The following WRN variants were observed in gnomAD, a reference collection of about 807,000 sequenced individuals.
The protein encoded by WRN is bifunctional 3'-5' exonuclease/ATP-dependent helicase WRN.
A neutral mutation model predicts 180.7 loss-of-function variants in WRN; 149 were observed. The ratio of observed to expected loss-of-function variants is 0.82; its 90% CI spans 0.72 to 0.94. The LOEUF is 0.94. WRN is among the 40% of genes least tolerant of loss of function. The pLI, the probability that WRN is intolerant of heterozygous loss-of-function variation, is 0.00. For missense variants in WRN, 1,661 were observed against 1,700.1 expected (o/e 0.98, Z 0.40); for synonymous variants, 548 against 568.9 (o/e 0.96, Z 0.52).
At chr8:31,142,850 G>C (rs1218140124) in intron 27 of WRN, 149 bp downstream of exon 27, 2 of 598,000 alleles carry the variant, frequency 3.3e-6, no homozygotes, top group African/African-American at 3.8e-5. Context: ...GATGTGAACA[G>C]ACTAAAATTT....
At chr8:31,088,816 G>A (rs541414483) in intron 12 of WRN, 74 bp from the exon 13 acceptor site, 1 of 1,260,224 alleles carries the variant, frequency 7.9e-7, no homozygotes, top group East Asian at 2.5e-5. Context: ...AGAAGCCAAT[G>A]AAATAAACTG....
At chr8:31,066,078 A>G (rs1295345410) in intron 5 of WRN, among the ~76,000 whole-genome samples, 2 of 151,944 alleles carry the variant, frequency 1.3e-5, no homozygotes, top group African/African-American at 4.8e-5. Flanking sequence ...GGGTTTCTCC[A>G]TCTTGGTCAG....
At position 31,085,248 on chromosome 8, in the gene WRN, T is replaced by C. The variant is rs1455462438; in HGVS notation, c.1431+2T>C. On this transcript the variant is annotated splice_donor_variant, in intron 11 of 34. Coordinates refer to ENST00000298139, the MANE Select transcript of WRN (RefSeq NM_000553.6). LOFTEE classifies it high-confidence loss of function. ...GATTTAGAAATGGAGATGCTTAAGG[T>C]ATGTTTACAATTATAAAAACATTAC... 6.2e-7 allele frequency: 1 copy of C among 1,612,646 alleles called. No homozygotes were observed. Among genetic ancestry groups the C allele is most frequent in the Non-Finnish European group, 8.5e-7 (1 of 1,179,194 alleles).
intron 24 of WRN, among the ~76,000 whole-genome samples, chr8:31,135,896 T>C (rs566906735): frequency 2.6e-5 from 4 of 152,316 alleles, no homozygotes; most frequent in South Asian, 2.1e-4. Context: ...AACTGATACG[T>C]TGGGTCATGT....
chr8:31,102,033 T>C (rs1800894309), intron 18 of WRN, among the ~76,000 whole-genome samples: 1 of 152,164 alleles, frequency 6.6e-6, no homozygotes, highest in Non-Finnish European at 1.5e-5. Context: ...ACTAGGAATA[T>C]GACATTTGTA....
intron 8 of WRN, 84 bp from the exon 9 acceptor site, chr8:31,080,783 T>A (rs1478186089): frequency 4.2e-6 from 5 of 1,191,486 alleles, no homozygotes; most frequent in Non-Finnish European, 4.7e-6. Context: ...CTTAGAAAGC[T>A]TTTACTTGTT....
chr8:31,121,807 A>T (rs1186031020), intron 21 of WRN, among the ~76,000 whole-genome samples: 1 of 152,024 alleles, frequency 6.6e-6, no homozygotes, highest in African/African-American at 2.4e-5. Context: ...TTAACATAGA[A>T]GATGACAAAA....
At chr8:31,169,696 G>T (rs187706108) in intron 34 of WRN, among the ~76,000 whole-genome samples, 4 of 152,288 alleles carry the variant, frequency 2.6e-5, no homozygotes, top group Admixed American at 2.0e-4. Context: ...ATGTTTTTGT[G>T]TAATGTCTAA....
In WRN at chr8:31,174,240, C is replaced by T. The variant is rs1177740334; in HGVS notation, c.*1138C>T. ...ATATGTTGTTGTCCAGCCATGGCTTCTGCATTTGCATGCTTTTGTGTGTGC... is the reference window on the plus strand; with the variant it reads ...ATATGTTGTTGTCCAGCCATGGCTTTTGCATTTGCATGCTTTTGTGTGTGC... On this transcript the variant is annotated 3_prime_UTR_variant, in exon 35 of 35. Coordinates refer to ENST00000298139, the MANE Select transcript of WRN (RefSeq NM_000553.6). Among the ~76,000 whole-genome samples, 1 of 152,198 alleles carries T rather than the reference C, an allele frequency of 6.6e-6. No individual in the cohort carries two copies. Among genetic ancestry groups the T allele is most frequent in the African/African-American group, 2.4e-5 (1 of 41,452 alleles).
intron 21 of WRN, among the ~76,000 whole-genome samples, chr8:31,121,306 A>C (rs1801717455): frequency 6.6e-6 from 1 of 152,012 alleles, no homozygotes; most frequent in Admixed American, 6.6e-5. Context: ...TAAAATGATA[A>C]GAGAGTGCCT....
intron 23 of WRN, among the ~76,000 whole-genome samples, chr8:31,127,663 G>A (rs1440162587): frequency 6.6e-6 from 1 of 152,080 alleles, no homozygotes; most frequent in Non-Finnish European, 1.5e-5. Context: ...TGTAGTATTA[G>A]CACTTTGGGA....
At chr8:31,058,936 A>T (rs1046576175) in intron 2 of WRN, among the ~76,000 whole-genome samples, 15 of 152,216 alleles carry the variant, frequency 9.9e-5, no homozygotes, top group African/African-American at 3.6e-4. Context: ...TGAAAATGGG[A>T]TTAGAGGTTT....
At chr8:31,161,257 C>T (rs150517610) in intron 33 of WRN, among the ~76,000 whole-genome samples, 14 of 152,228 alleles carry the variant, frequency 9.2e-5, no homozygotes, top group African/African-American at 3.1e-4. Flanking sequence ...TATTGCCTCT[C>T]TTATAGAATT....
At position 31,111,806 on chromosome 8, in the gene WRN, A is replaced by ATTT. The variant is rs1414251953; in HGVS notation, c.2273+8_2273+10dup. 1.2e-6 allele frequency: 2 copies of ATTT among 1,612,698 alleles called. No individual in the cohort carries two copies. The highest frequency in any genetic ancestry group is 1.7e-6 in the Non-Finnish European group (2 of 1,179,346). ...CATTTCTTGTCAAAACAAGGTAAGG[A>ATTT]TTTAATGGTTGATGAATTTTGGTAA... On this transcript the variant is annotated splice_region_variant and intron_variant, in intron 19 of 34. Transcript: ENST00000298139.
chr8:31,129,541 A>G (rs59809498), intron 23 of WRN, among the ~76,000 whole-genome samples: 21,046 of 152,212 alleles, frequency 0.14, 2,496 homozygotes, highest in African/African-American at 0.33. Flanking sequence ...GTAAATAAGC[A>G]GATAAACAAC....
intron 12 of WRN, among the ~76,000 whole-genome samples, chr8:31,088,184 C>T (rs144374460): frequency 6.6e-6 from 1 of 152,226 alleles, no homozygotes; most frequent in Non-Finnish European, 1.5e-5. Flanking sequence ...TTATAGCTCT[C>T]ATTTAGAATT....
intron 8 of WRN, among the ~76,000 whole-genome samples, chr8:31,080,312 A>G (rs1813250682): frequency 6.6e-6 from 1 of 152,182 alleles, no homozygotes; most frequent in Non-Finnish European, 1.5e-5. Flanking sequence ...AACCACACCT[A>G]TAATGTACCA....
chr8:31,172,954 A>C, intron 34 of WRN, 41 bp from the exon 35 acceptor site: 2 of 1,588,716 alleles, frequency 1.3e-6, no homozygotes, highest in Non-Finnish European at 1.7e-6. Flanking sequence ...CCTTCTCAGT[A>C]GTACAAAGAT....
intron 16 of WRN, among the ~76,000 whole-genome samples, chr8:31,092,928 TTTTTG>T (rs368216076): frequency 1.3e-5 from 2 of 152,174 alleles, no homozygotes; most frequent in South Asian, 2.1e-4. Context: ...TATCAGTAGT[TTTTTG>T]TTTTGTTTTG....
Sources: gnomAD v4.1 joint callset for allele counts (sites outside exome capture counted in the v4.1 genomes callset) on GRCh38, gnomAD v4.1.1 for gene constraint, MANE v1.5 for transcripts, NCBI Gene and HGNC (gene_info 2026-07-23, HGNC 2026-07-21) for gene names.